IPO5: variants seen among roughly 807,000 people sequenced by gnomAD.
The protein encoded by IPO5 is importin-5.
Under a neutral mutation model 143.3 loss-of-function variants are expected in IPO5, and 18 were observed. That is an observed-to-expected ratio of 0.13 (90% CI 0.09 to 0.19). The LOEUF (loss-of-function observed/expected upper bound fraction) is 0.19, where lower values mean the gene tolerates loss of function less well. IPO5 is among the 10% of genes least tolerant of loss of function. The pLI is 1.00. For missense variants in IPO5, 1,013 were observed against 1,336.9 expected (o/e 0.76, Z 3.78); for synonymous variants, 477 against 465.7 (o/e 1.02, Z -0.31).
chr13:98,001,844 C>CT (rs1888810886), intron 13 of IPO5: 2 of 152,312 alleles, frequency 1.3e-5, no homozygotes, highest in Non-Finnish European at 2.9e-5. Context: ...GAACTCCTGA[C>CT]TTTAAGTGAT....
intron 26 of IPO5, 110 bp from the exon 27 acceptor site, chr13:98,019,464 ATACACTT>A (rs762679081): frequency 1.6e-5 from 12 of 742,208 alleles, no homozygotes; most frequent in Non-Finnish European, 2.2e-5. Flanking sequence ...AACACTTCCC[ATACACTT>A]TAACATTTCT....
At chr13:97,989,646 CTG>C (rs1887658483) in intron 7 of IPO5, among the ~76,000 whole-genome samples, 1 of 152,168 alleles carries the variant, frequency 6.6e-6, no homozygotes, top group African/African-American at 2.4e-5. Context: ...CTTTGCCCCA[CTG>C]TGCTATATTT....
intron 4 of IPO5, chr13:97,981,484 C>T: frequency 7.4e-6 from 2 of 268,692 alleles, no homozygotes; most frequent in Non-Finnish European, 1.5e-5. Context: ...AAGGTTTAAG[C>T]TAGATGTGGA....
intron 12 of IPO5, among the ~76,000 whole-genome samples, chr13:97,999,389 T>A (rs1293184497): frequency 6.6e-6 from 1 of 152,192 alleles, no homozygotes; most frequent in Admixed American, 6.5e-5. Flanking sequence ...TCGAATTTCC[T>A]TTTTGGTTCA....
At chr13:97,960,168 C>T (rs533546023) in intron 2 of IPO5, 2 of 152,238 alleles carry the variant, frequency 1.3e-5, no homozygotes, top group South Asian at 2.1e-4. Context: ...AGATGCAGAT[C>T]GATGTCACAA....
intron 5 of IPO5, among the ~76,000 whole-genome samples, chr13:97,984,348 A>C (rs928012372): frequency 6.6e-6 from 1 of 152,218 alleles, no homozygotes; most frequent in Non-Finnish European, 1.5e-5. Flanking sequence ...TTAGTAAACA[A>C]ATTTTAAAGC....
intron 3 of IPO5, among the ~76,000 whole-genome samples, chr13:97,973,396 T>G (rs1001075946): frequency 5.3e-5 from 8 of 152,268 alleles, no homozygotes; most frequent in Non-Finnish European, 8.8e-5. Flanking sequence ...AAGGACACTG[T>G]CTATGGGAAA....
intron 20 of IPO5, among the ~76,000 whole-genome samples, chr13:98,010,683 T>A (rs1235309420): frequency 1.3e-5 from 2 of 152,108 alleles, no homozygotes; most frequent in Non-Finnish European, 2.9e-5. Flanking sequence ...GTTCGGTTAT[T>A]ATCCCTTATG....
rs59658983 is a variant in IPO5 at position 98,012,801 on chromosome 13, ATTTTTTT to A, written c.2152+479_2152+485del. Among the ~76,000 whole-genome samples the A allele has an allele frequency of 3.7e-4, 40 of 109,152 alleles. 2 individuals carry two copies. In the East Asian group the frequency reaches 0.016, roughly 44 times the overall value. 71.6% of individuals were successfully genotyped at this position (109,152 alleles called of 152,430 possible). ...ACAACACCAAGCCCAGCTAGATTTG[ATTTTTTT>A]TTTTTTTTTTTTTTTTTTTAAGAGA... On this transcript the variant is annotated intron_variant, in intron 21 of 28. Transcript: ENST00000651721.
At chr13:97,983,020 G>A (rs913431227) in intron 5 of IPO5, among the ~76,000 whole-genome samples, 7 of 152,104 alleles carry the variant, frequency 4.6e-5, no homozygotes, top group South Asian at 2.1e-4. Flanking sequence ...ACAGGCGTGC[G>A]CCACCACACC....
chr13:97,999,161 A>T (rs1888548779), intron 12 of IPO5, among the ~76,000 whole-genome samples: 1 of 152,138 alleles, frequency 6.6e-6, no homozygotes, highest in Non-Finnish European at 1.5e-5. Context: ...TAAAAAGCTG[A>T]AATTATTCTC....
chr13:97,999,009 G>A (rs1888534286), intron 12 of IPO5, among the ~76,000 whole-genome samples: 1 of 152,056 alleles, frequency 6.6e-6, no homozygotes, highest in East Asian at 1.9e-4. Flanking sequence ...CGGGCCTGGT[G>A]GCAGACACCT....
rs1179648759 is a variant in IPO5, at chr13:97,975,987, GT to G, written c.-4-705del. The stretch of plus-strand genomic sequence containing the variant: ...CGGAGGGTCTGAAAGCGAGAAGTCC[GT>G]GAGTAGAAGGTACGTAGGAAGTGGG... On this transcript the variant is annotated intron_variant, in intron 3 of 28. Transcript: ENST00000651721. 1.1e-5 allele frequency: 11 copies of G among 984,554 alleles called. No individual in the cohort carries two copies. In the African/African-American group the frequency reaches 1.6e-4, roughly 14 times the overall value. 61.0% of individuals were successfully genotyped at this position (984,554 alleles called of 1,614,324 possible). A position where few individuals can be genotyped will look rare whatever the true frequency, so the allele number is the denominator to read the frequency against.
At chr13:98,013,069 T>C (rs1365869086) in intron 21 of IPO5, among the ~76,000 whole-genome samples, 1 of 152,048 alleles carries the variant, frequency 6.6e-6, no homozygotes, top group Admixed American at 6.6e-5. Context: ...ATCTGCATTC[T>C]TTTTTGACAC....
In IPO5 at chr13:98,015,627, A is replaced by C. The variant is rs1890073126; in HGVS notation, c.2423A>C (p.Gln808Pro). ...KAKLEEHFKN[Q>P]ELRQVKRQDE... is the part of the protein sequence containing the mutation. Reference sequence around the variant, plus strand: ...AAGCTTGAAGAACATTTTAAAAATCAAGAATTACGACAAGGTAAGTTTTCC... The same window carrying C: ...AAGCTTGAAGAACATTTTAAAAATCCAGAATTACGACAAGGTAAGTTTTCC... The change falls in exon 23 of 29, where the codon CAA (glutamine) becomes CCA (proline). Residue 808 changes from glutamine (Q) to proline (P), a missense_variant. Physicochemically the swap from Gln to Pro is moderately conservative, Grantham distance 76. This residue lies in a region of IPO5 where 685 missense variants were observed against 994.9 expected (regional missense o/e 0.69). Transcript: ENST00000651721. 5.6e-6 allele frequency: 9 copies of C among 1,606,660 alleles called. No individual in the cohort carries two copies. The highest frequency in any genetic ancestry group is 8.5e-7 in the Non-Finnish European group (1 of 1,174,602).
At chr13:97,955,446 G>T (rs147347281) in intron 2 of IPO5, among the ~76,000 whole-genome samples, 7 of 152,260 alleles carry the variant, frequency 4.6e-5, no homozygotes, top group Non-Finnish European at 7.4e-5. Flanking sequence ...TATGTTGGCA[G>T]CTACAATAAA....
chr13:98,014,300 C>T, intron 22 of IPO5, 86 bp downstream of exon 22: 1 of 953,504 alleles, frequency 1.0e-6, no homozygotes. Flanking sequence ...AAATTTGAGA[C>T]AGGGTATTGC....
intron 16 of IPO5, among the ~76,000 whole-genome samples, chr13:98,004,459 A>G (rs1889050167): frequency 6.6e-6 from 1 of 152,254 alleles, no homozygotes; most frequent in African/African-American, 2.4e-5. Flanking sequence ...TGGTTAAATC[A>G]GTAATGGATG....
chr13:97,978,437 A>T (rs1410884379), intron 4 of IPO5, among the ~76,000 whole-genome samples: 1 of 152,184 alleles, frequency 6.6e-6, no homozygotes, highest in Non-Finnish European at 1.5e-5. Context: ...AAATAGTACT[A>T]TGCGCAGGAG....
Sources: gnomAD v4.1 joint callset for allele counts (sites outside exome capture counted in the v4.1 genomes callset) on GRCh38, gnomAD v4.1.1 for gene constraint, gnomAD v4.1.1 regional missense constraint, MANE v1.5 for transcripts, NCBI Gene and HGNC (gene_info 2026-07-23, HGNC 2026-07-21) for gene names.